The following TFPI2 variants were observed in gnomAD, a reference collection of about 807,000 sequenced individuals.
TFPI2 encodes the protein tissue factor pathway inhibitor 2, also known as placental protein 5.
Under a neutral mutation model 23.1 loss-of-function variants are expected in TFPI2, and 23 were observed. That is an observed-to-expected ratio of 1.00 (90% CI 0.72 to 1.41). The LOEUF (loss-of-function observed/expected upper bound fraction) is 1.41. TFPI2 is among the 40% of genes most tolerant of loss of function. TFPI2 has a pLI of 0.00. For missense variants in TFPI2, 291 were observed against 299.6 expected (o/e 0.97, Z 0.21); for synonymous variants, 119 against 111.7 (o/e 1.07, Z -0.41).
intron 3 of TFPI2, among the ~76,000 whole-genome samples, chr7:93,888,589 G>GGAAGGAGAA (rs138314368): frequency 2.9e-5 from 3 of 103,286 alleles, no homozygotes; most frequent in African/African-American, 9.6e-5. Context: ...AGGAAGGAAA[G>GGAAGGAGAA]AGAAAGAAAG....
chr7:93,890,016 A>G, intron 2 of TFPI2, 121 bp downstream of exon 2: 1 of 1,050,212 alleles, frequency 9.5e-7, no homozygotes, highest in Non-Finnish European at 1.3e-6. Flanking sequence ...GGTTTGCTTA[A>G]CACTTGAGAA....
intron 3 of TFPI2, 53 bp downstream of exon 3, chr7:93,888,982 C>G: frequency 3.3e-6 from 5 of 1,531,190 alleles, no homozygotes; most frequent in Non-Finnish European, 4.4e-6. Context: ...TTTTTTCCAC[C>G]CAAATGTCTT....
chr7:93,886,675 A>T lies in TFPI2; in HGVS notation c.*145T>A. 1.7e-6 allele frequency: 1 copy of T among 583,394 alleles called. No individual in the cohort carries two copies. Among genetic ancestry groups the T allele is most frequent in the Non-Finnish European group, 2.8e-6 (1 of 352,040 alleles). The allele number at this position is 583,394 out of a possible 1,614,324, so 36.1% of individuals were successfully genotyped here. On this transcript the variant is annotated 3_prime_UTR_variant, in exon 5 of 5. Coordinates refer to ENST00000222543, the MANE Select transcript of TFPI2 (RefSeq NM_006528.4). Reference sequence around the variant, plus strand: ...GCTAGTTATATATAAAAAAATCCAAATTTTTTAAAAAGTGACTTGTATTAA... The same window carrying T: ...GCTAGTTATATATAAAAAAATCCAATTTTTTTAAAAAGTGACTTGTATTAA...
At chr7:93,887,889 C>T (rs1794027627) in intron 3 of TFPI2, among the ~76,000 whole-genome samples, 1 of 152,140 alleles carries the variant, frequency 6.6e-6, no homozygotes. Flanking sequence ...TGTACACAAA[C>T]AAGAGAACAT....
At position 93,885,844 on chromosome 7, in the gene TFPI2, A is replaced by G. The variant is rs1793977987; in HGVS notation, c.*976T>C. The G allele has an allele frequency of 6.6e-6, 1 of 152,106 alleles. No individual in the cohort carries two copies. The highest frequency in any genetic ancestry group is 2.4e-5 in the African/African-American group (1 of 41,452). The allele number at this position is 152,106 out of a possible 1,614,324, so 9.4% of individuals were successfully genotyped here. ...AAGGTAAACGCATTTGTCATTTTGC[A>G]TATTTAATTTGTAATTAAATATGTT... is the stretch of plus-strand genomic sequence containing the variant. On this transcript the variant is annotated 3_prime_UTR_variant, in exon 5 of 5. Coordinates refer to ENST00000222543, the MANE Select transcript of TFPI2 (RefSeq NM_006528.4).
At position 93,890,322 on chromosome 7, in the gene TFPI2, G is replaced by A; in HGVS notation, c.89-3C>T. On this transcript the variant is annotated splice_region_variant and splice_polypyrimidine_tract_variant and intron_variant, in intron 1 of 4. Coordinates refer to ENST00000222543, the MANE Select transcript of TFPI2 (RefSeq NM_006528.4). The stretch of plus-strand genomic sequence containing the variant: ...GAGACAGATCTCCGCGTTATTTCCT[G>A]AAGAAGGGGCAGAAGGAGAGCAAAA... The A allele has an allele frequency of 6.2e-7, 1 of 1,603,174 alleles. No homozygotes were observed. The highest frequency in any genetic ancestry group is 8.5e-7 in the Non-Finnish European group (1 of 1,171,938).
At chr7:93,889,335 G>C in intron 2 of TFPI2, 112 bp from the exon 3 acceptor site, 2 of 1,007,842 alleles carry the variant, frequency 2.0e-6, no homozygotes, top group Non-Finnish European at 2.9e-6. Context: ...ATTAGTGTTG[G>C]GATAGTAAAT....
chr7:93,889,065 T>A lies in TFPI2; in HGVS notation c.430A>T (p.Thr144Ser). 6.2e-7 allele frequency: 1 copy of A among 1,610,456 alleles called. No homozygotes were observed. Among genetic ancestry groups the A allele is most frequent in the Non-Finnish European group, 8.5e-7 (1 of 1,179,020 alleles). ...RIENRFPDEA[T>S]CMGFCAPKKI... ...TTTGGTGCGCAGAAGCCCATACAAG[T>A]AGCTTCATCTGGAAACCTGTTCTCA... is the stretch of plus-strand genomic sequence containing the variant. Residue 144 changes from threonine (T) to serine (S), a missense_variant, in exon 3 of 5, where the codon ACT (threonine) becomes TCT (serine). Thr to Ser is a moderately conservative substitution (Grantham distance 58, BLOSUM62 1). Coordinates refer to ENST00000222543, the MANE Select transcript of TFPI2 (RefSeq NM_006528.4).
rs1381944868 is a variant in TFPI2 at position 93,885,422 on chromosome 7, A to G, written c.*1398T>C. On this transcript the variant is annotated 3_prime_UTR_variant, in exon 5 of 5. Transcript: ENST00000222543. The stretch of plus-strand genomic sequence containing the variant: ...GCTTTTTCTTTTTTATTTAATTTTG[A>G]TTATTAATTATGTCAAATATTTACA... 6.6e-6 allele frequency: 1 copy of G among 151,878 alleles called. No individual in the cohort carries two copies. Among genetic ancestry groups the G allele is most frequent in the Non-Finnish European group, 1.5e-5 (1 of 67,878 alleles). The allele number at this position is 151,878 out of a possible 1,614,324, so 9.4% of individuals were successfully genotyped here. A position where few individuals can be genotyped will look rare whatever the true frequency, so the allele number is the denominator to read the frequency against.
At chr7:93,886,930 A>C (rs1293762719) in intron 4 of TFPI2, 34 bp from the exon 5 acceptor site, 5 of 1,431,148 alleles carry the variant, frequency 3.5e-6, no homozygotes, top group African/African-American at 1.5e-5. Flanking sequence ...AAAATCATAC[A>C]TCTCCAGTCT....
chr7:93,887,238 T>C lies in TFPI2; in HGVS notation c.631+23A>G, dbSNP rs1333134406. 3 of 1,577,372 alleles carry C rather than the reference T, an allele frequency of 1.9e-6. No homozygotes were observed. The African/African-American group carries it at 4.1e-5, about 21-fold the overall frequency. ...GTTATTTATAAAGTTTATCTAAAGG[T>C]GGAATAAGAAAACATTCACTACCTT... On this transcript the variant is annotated intron_variant, in intron 4 of 4. Coordinates refer to ENST00000222543, the MANE Select transcript of TFPI2 (RefSeq NM_006528.4).
At position 93,890,725 on chromosome 7, in the gene TFPI2, G is replaced by C. The variant is rs80033823; in HGVS notation, c.-47C>G. The C allele has an allele frequency of 6.4e-7, 1 of 1,560,768 alleles. No individual in the cohort carries two copies. The highest frequency in any genetic ancestry group is 8.7e-7 in the Non-Finnish European group (1 of 1,145,302). ...CGCTGGGCAAGGCGTCCGAGAAAGC[G>C]CCTGGCGGGAGGAGGTGCGCGGCTT... On this transcript the variant is annotated 5_prime_UTR_variant, in exon 1 of 5. Coordinates refer to ENST00000222543, the MANE Select transcript of TFPI2 (RefSeq NM_006528.4).
In TFPI2 at chr7:93,886,826, T is replaced by C. The variant is rs147759063; in HGVS notation, c.702A>G (p.Gln234=). The C allele has an allele frequency of 1.9e-6, 3 of 1,553,672 alleles. No homozygotes were observed. Among genetic ancestry groups the C allele is most frequent in the African/African-American group, 1.4e-5 (1 of 70,740 alleles). ...ASRIRKIRKK[Q]F The stretch of plus-strand genomic sequence containing the variant: ...GATGACATATTAAGAATGTTTAAAA[T>C]TGCTTCTTCCGAATTTTCCGGATTC... The change falls in exon 5 of 5, where the codon CAA becomes CAG. Residue 234 remains glutamine (Q), a synonymous_variant. Coordinates refer to ENST00000222543, the MANE Select transcript of TFPI2 (RefSeq NM_006528.4).
At chr7:93,889,329 G>GTGTTGGGATAGTAAATACCCAGAA in intron 2 of TFPI2, 106 bp from the exon 3 acceptor site, 1 of 1,060,054 alleles carries the variant, frequency 9.4e-7, no homozygotes, top group Non-Finnish European at 1.4e-6. Flanking sequence ...AGTTGTATTA[G>GTGTTGGGATAGTAAATACCCAGAA]TGTTGGGATA....
chr7:93,889,857 C>A (rs925161500), intron 2 of TFPI2: 12 of 309,402 alleles, frequency 3.9e-5, no homozygotes, highest in African/African-American at 2.6e-4. Flanking sequence ...ACACGTTATT[C>A]TCTTGCATTT....
chr7:93,887,663 T>C (rs993357011), intron 3 of TFPI2, among the ~76,000 whole-genome samples: 2 of 152,232 alleles, frequency 1.3e-5, no homozygotes, highest in African/African-American at 4.8e-5. Flanking sequence ...TGAAGCTACA[T>C]CTTTGTATCC....
chr7:93,888,947 C>G, intron 3 of TFPI2, 88 bp downstream of exon 3: 1 of 1,183,138 alleles, frequency 8.5e-7, no homozygotes, highest in East Asian at 2.5e-5. Flanking sequence ...TGAAAATGCA[C>G]ATGTTAATTT....
At position 93,890,272 on chromosome 7, in the gene TFPI2, G is replaced by A. The variant is rs372277275; in HGVS notation, c.136C>T (p.Arg46Trp). 7.4e-6 allele frequency: 12 copies of A among 1,613,688 alleles called. No individual in the cohort carries two copies. Among genetic ancestry groups the A allele is most frequent in the Admixed American group, 1.7e-5 (1 of 60,022 alleles). Residue 46 changes from arginine (R) to tryptophan (W), a missense_variant, in exon 2 of 5, where the codon CGG (arginine) becomes TGG (tryptophan). Physicochemically the swap from Arg to Trp is moderately radical, Grantham distance 101. Transcript: ENST00000222543. ...TAGTAGTAACGGAGAAGTAGGGCCC[G>A]GCAGGGTCCGTAGTCTAGGGGCAGG... Reference protein sequence around the residue: ...CLLPLDYGPCRALLLRYYYDR... With the variant: ...CLLPLDYGPCWALLLRYYYDR...
At chr7:93,888,605 AAG>A (rs1415501966) in intron 3 of TFPI2, among the ~76,000 whole-genome samples, 3 of 140,380 alleles carry the variant, frequency 2.1e-5, no homozygotes, top group African/African-American at 5.8e-5. Flanking sequence ...GAAAGAAAGA[AAG>A]AGAAAAAGAA....
Sources: allele counts gnomAD v4.1 joint callset (sites outside exome capture counted in the v4.1 genomes callset), GRCh38; gene constraint gnomAD v4.1.1; transcripts MANE v1.5; gene names NCBI Gene and HGNC (gene_info 2026-07-23, HGNC 2026-07-21).